Variants in PRKG2 observed in about 807,000 individuals in gnomAD.
PRKG2 encodes cGMP-dependent protein kinase 2.
Under a neutral mutation model 97.2 loss-of-function variants are expected in PRKG2, and 33 were observed. The observed-to-expected ratio is 0.34, with a 90% CI of 0.26 to 0.45. The LOEUF is 0.45. PRKG2 is among the 20% of genes least tolerant of loss of function. The pLI, the probability that PRKG2 is intolerant of heterozygous loss-of-function variation, is 1.00. For missense variants in PRKG2, 638 were observed against 900.0 expected, an observed-to-expected ratio of 0.71 and a Z score of 3.73; for synonymous variants, 330 against 321.8, an observed-to-expected ratio of 1.03 and a Z score of -0.27.
intron 15 of PRKG2, among the ~76,000 whole-genome samples, chr4:81,107,275 G>T (rs1743440631): frequency 6.6e-6 from 1 of 152,110 alleles, no homozygotes; most frequent in African/African-American, 2.4e-5. Context: ...AAGGGGTTAA[G>T]GCTCAAAGTG....
chr4:81,123,321 A>G (rs1273850497), intron 14 of PRKG2, among the ~76,000 whole-genome samples: 2 of 152,262 alleles, frequency 1.3e-5, no homozygotes, highest in East Asian at 3.9e-4. Context: ...TATCTCTAGG[A>G]ATTCCACCCT....
At chr4:81,161,914 T>C (rs1749616591) in intron 6 of PRKG2, among the ~76,000 whole-genome samples, 1 of 151,646 alleles carries the variant, frequency 6.6e-6, no homozygotes, top group Non-Finnish European at 1.5e-5. Context: ...TTCCAGGGAT[T>C]AGAATCTGGA....
At chr4:81,116,128 C>T (rs1744492216) in intron 14 of PRKG2, among the ~76,000 whole-genome samples, 1 of 152,094 alleles carries the variant, frequency 6.6e-6, no homozygotes, top group Non-Finnish European at 1.5e-5. Context: ...ATTATCTCAT[C>T]ATCCAGGTAA....
chr4:81,136,977 T>C (rs1429332215), intron 13 of PRKG2, among the ~76,000 whole-genome samples: 2 of 152,146 alleles, frequency 1.3e-5, no homozygotes, highest in African/African-American at 2.4e-5. Flanking sequence ...TGTGCAAAAA[T>C]CACCCCCTTG....
In PRKG2 at chr4:81,210,460, T is replaced by A. The variant is rs185389366; in HGVS notation, c.-14+4476A>T. Reference sequence around the variant, plus strand: ...TAAGCATATAAAAAGAAACTCAACATCATAGGTCATTAGGGAATCTCAAAT... The same window carrying A: ...TAAGCATATAAAAAGAAACTCAACAACATAGGTCATTAGGGAATCTCAAAT... On this transcript the variant is annotated intron_variant, in intron 1 of 18. Transcript: ENST00000264399. Among the ~76,000 whole-genome samples the A allele has an allele frequency of 2.4e-3, 370 of 152,242 alleles. 1 individual carries two copies. The highest frequency in any genetic ancestry group is 4.3e-3 in the Non-Finnish European group (290 of 67,988).
At position 81,193,895 on chromosome 4, in the gene PRKG2, C is replaced by T. The variant is rs115058173; in HGVS notation, c.461+10692G>A. On this transcript the variant is annotated intron_variant, in intron 2 of 18. Transcript: ENST00000264399. ...ACTGTATATTTAAGACCTACCTTTA[C>T]TTATTGAAGGAGGCCACTTCAAAAT... Among the ~76,000 whole-genome samples the T allele has an allele frequency of 8.4e-3, 1,279 of 152,250 alleles. 18 individuals are homozygous for T. The highest frequency in any genetic ancestry group is 0.029 in the African/African-American group (1,200 of 41,566).
chr4:81,116,505 A>G (rs1744540683), intron 14 of PRKG2, among the ~76,000 whole-genome samples: 1 of 152,088 alleles, frequency 6.6e-6, no homozygotes, highest in Admixed American at 6.5e-5. Flanking sequence ...ATGTGTCTTT[A>G]TGGTAGAATG....
At chr4:81,185,265 T>C (rs1293291100) in intron 2 of PRKG2, among the ~76,000 whole-genome samples, 1 of 152,162 alleles carries the variant, frequency 6.6e-6, no homozygotes, top group Non-Finnish European at 1.5e-5. Flanking sequence ...CCCATCAGAC[T>C]AACAGTGGAT....
intron 1 of PRKG2, 145 bp from the exon 2 acceptor site, chr4:81,205,205 A>AG (rs1753582805): frequency 1.8e-6 from 1 of 558,674 alleles, no homozygotes; most frequent in Admixed American, 3.8e-5. Context: ...CGAAGTTTCC[A>AG]GAAAAAAAAA....
In PRKG2 at chr4:81,139,769, C is replaced by T. The variant is rs181990376; in HGVS notation, c.1544+764G>A. Among the ~76,000 whole-genome samples the T allele has an allele frequency of 9.5e-5, 13 of 136,760 alleles. No homozygotes were observed. In the East Asian group the frequency reaches 2.1e-3, roughly 22 times the overall value. The allele number at this position is 136,760 out of a possible 152,430, so 89.7% of individuals were successfully genotyped here. On this transcript the variant is annotated intron_variant, in intron 12 of 18. Transcript: ENST00000264399. ...AAGCCTGGGTGACACAGCTAGATTC[C>T]GTCTCAAAAGACAAAAAAAAAAAAA...
At chr4:81,192,553 T>C (rs574782616) in intron 2 of PRKG2, among the ~76,000 whole-genome samples, 97 of 152,316 alleles carry the variant, frequency 6.4e-4, no homozygotes, top group African/African-American at 2.2e-3. Flanking sequence ...TTCATTATAT[T>C]GGACAAGTAA....
intron 17 of PRKG2, among the ~76,000 whole-genome samples, chr4:81,103,172 T>C (rs1466687462): frequency 1.3e-5 from 2 of 152,200 alleles, no homozygotes; most frequent in Non-Finnish European, 2.9e-5. Flanking sequence ...TTTTTTTTAT[T>C]ATTATACTTT....
chr4:81,155,824 A>G (rs1397189711), intron 6 of PRKG2, among the ~76,000 whole-genome samples: 3 of 152,124 alleles, frequency 2.0e-5, no homozygotes, highest in Non-Finnish European at 4.4e-5. Context: ...ATATCCAGCC[A>G]AACTAAGCTT....
rs763997624 is a variant in PRKG2, at chr4:81,142,936, G to A, written c.1265C>T (p.Ser422Phe). The A allele has an allele frequency of 2.1e-5, 34 of 1,609,866 alleles. No individual in the cohort carries two copies. The Middle Eastern group carries it at 6.6e-4, about 31-fold the overall frequency. Residue 422 changes from serine (S) to phenylalanine (F), a missense_variant, in exon 11 of 19, where the codon TCT becomes TTT. Around this residue, in one of 3 missense-constraint regions of PRKG2, gnomAD observed 304 missense variants for 460.5 expected, o/e 0.66. Coordinates refer to ENST00000264399, the MANE Select transcript of PRKG2 (RefSeq NM_006259.3). ...DEKRHAKRSM[S>F]NWKLSKALSL... ...GAGTGCTTTGGACAGCTTCCAGTTAGACATGGACCGCCTGTACAAGAGAAG... is the reference window on the plus strand; with the variant it reads ...GAGTGCTTTGGACAGCTTCCAGTTAAACATGGACCGCCTGTACAAGAGAAG...
At chr4:81,164,948 T>TG (rs1412817045) in intron 6 of PRKG2, 2 of 152,170 alleles carry the variant, frequency 1.3e-5, no homozygotes, top group Non-Finnish European at 2.9e-5. Context: ...TCACCATGTG[T>TG]GGGGGCAGAA....
intron 15 of PRKG2, among the ~76,000 whole-genome samples, chr4:81,108,930 T>C (rs1743634170): frequency 6.6e-6 from 1 of 152,086 alleles, no homozygotes; most frequent in Admixed American, 6.6e-5. Context: ...TCAACTTCTT[T>C]ATGACCTACT....
At chr4:81,201,299 T>G (rs1753296471) in intron 2 of PRKG2, among the ~76,000 whole-genome samples, 1 of 152,234 alleles carries the variant, frequency 6.6e-6, no homozygotes, top group South Asian at 2.1e-4. Flanking sequence ...AAGTGCTCAA[T>G]AGCCATATTT....
At chr4:81,179,078 T>C (rs1034636525) in intron 2 of PRKG2, among the ~76,000 whole-genome samples, 1 of 151,778 alleles carries the variant, frequency 6.6e-6, no homozygotes, top group Non-Finnish European at 1.5e-5. Context: ...TGAGCCGAGA[T>C]TGTGCCACTT....
At chr4:81,093,404 C>A (rs943856210) in intron 17 of PRKG2, among the ~76,000 whole-genome samples, 2 of 144,916 alleles carry the variant, frequency 1.4e-5, no homozygotes, top group Non-Finnish European at 3.0e-5. Flanking sequence ...CACACACACA[C>A]AAGCTTCTTA....
Sources: allele counts gnomAD v4.1 joint callset (sites outside exome capture counted in the v4.1 genomes callset), GRCh38; gene constraint gnomAD v4.1.1; regional missense constraint gnomAD v4.1.1; transcripts MANE v1.5; gene names NCBI Gene and HGNC (gene_info 2026-07-23, HGNC 2026-07-21).